Variants in DRC8 observed in about 807,000 individuals in gnomAD.
DRC8 encodes the protein dynein regulatory complex protein 8.
chr1:245,059,953 C>G, the DRC8 span, among the ~76,000 whole-genome samples: 1,168 of 152,290 alleles, frequency 7.7e-3, 12 homozygotes, highest in African/African-American at 0.025. Flanking sequence ...AGTGGATGAG[C>G]AGCCCACGAT....
chr1:245,015,766 C>T, the DRC8 span: 4 of 267,686 alleles, frequency 1.5e-5, no homozygotes, highest in Admixed American at 1.8e-4. Flanking sequence ...TTTCTCACCA[C>T]CTTCACTGCT....
chr1:244,981,470 T>C, the DRC8 span, among the ~76,000 whole-genome samples: 1 of 152,032 alleles, frequency 6.6e-6, no homozygotes, highest in Non-Finnish European at 1.5e-5. Flanking sequence ...GTTTTACGTG[T>C]ATTATGTCCT....
the DRC8 span, among the ~76,000 whole-genome samples, chr1:245,056,300 A>C: frequency 1.3e-5 from 2 of 152,072 alleles, no homozygotes; most frequent in African/African-American, 2.4e-5. Flanking sequence ...CATTTGCTTA[A>C]TACTTTTTTT....
At chr1:245,004,055 A>G in the DRC8 span, among the ~76,000 whole-genome samples, 1 of 151,908 alleles carries the variant, frequency 6.6e-6, no homozygotes, top group Non-Finnish European at 1.5e-5. Context: ...TTTTACTCGT[A>G]GAGTATTTCC....
At chr1:244,996,443 G>A in the DRC8 span, among the ~76,000 whole-genome samples, 9 of 152,254 alleles carry the variant, frequency 5.9e-5, no homozygotes, top group Middle Eastern at 3.4e-3. Context: ...CCATATGGAC[G>A]TTACCAGGAG....
chr1:245,093,556 G>T, the DRC8 span, among the ~76,000 whole-genome samples: 2 of 151,868 alleles, frequency 1.3e-5, no homozygotes, highest in Non-Finnish European at 2.9e-5. Context: ...AAATTAGCCA[G>T]GCGTGGTGGT....
At chr1:244,977,898 C>G in the DRC8 span, among the ~76,000 whole-genome samples, 1 of 152,008 alleles carries the variant, frequency 6.6e-6, no homozygotes, top group Non-Finnish European at 1.5e-5. Flanking sequence ...GGGTTGCAGC[C>G]AAATATATAA....
the DRC8 span, chr1:245,059,250 C>T: frequency 2.5e-5 from 16 of 636,488 alleles, no homozygotes; most frequent in Admixed American, 1.6e-4. Context: ...CCCCAGAAAA[C>T]ATCTTTTATA....
the DRC8 span, among the ~76,000 whole-genome samples, chr1:245,048,644 G>A: frequency 6.6e-6 from 1 of 151,730 alleles, no homozygotes; most frequent in African/African-American, 2.4e-5. Context: ...ATTTGTTTTT[G>A]CCTCCTCTTT....
At chr1:244,996,223 G>T in the DRC8 span, among the ~76,000 whole-genome samples, 1 of 152,062 alleles carries the variant, frequency 6.6e-6, no homozygotes, top group Non-Finnish European at 1.5e-5. Flanking sequence ...GGCTGCTTGA[G>T]TGCTGCTTGA....
chr1:245,029,366 C>T, the DRC8 span, among the ~76,000 whole-genome samples: 1 of 152,210 alleles, frequency 6.6e-6, no homozygotes, highest in African/African-American at 2.4e-5. Context: ...GGCCTGATCT[C>T]AGCTCACTGC....
the DRC8 span, among the ~76,000 whole-genome samples, chr1:245,012,496 T>TTTTTTTTTTTTTTTTTTG: frequency 6.6e-6 from 1 of 151,412 alleles, no homozygotes; most frequent in African/African-American, 2.5e-5. Flanking sequence ...TGAAAGATTT[T>TTTTTTTTTTTTTTTTTTG]AATTAATACA....
the DRC8 span, among the ~76,000 whole-genome samples, chr1:245,121,505 A>C: frequency 6.6e-6 from 1 of 152,210 alleles, no homozygotes; most frequent in East Asian, 1.9e-4. Context: ...TTGCAGAGAC[A>C]GATCACCAGG....
At chr1:245,030,687 C>T in the DRC8 span, 1 of 152,288 alleles carries the variant, frequency 6.6e-6, no homozygotes, top group African/African-American at 2.4e-5. Flanking sequence ...CTGATTTGAT[C>T]CTGCTGTGTG....
At chr1:245,051,862 T>G in the DRC8 span, among the ~76,000 whole-genome samples, 1 of 152,068 alleles carries the variant, frequency 6.6e-6, no homozygotes, top group African/African-American at 2.4e-5. Context: ...TTTGCTTCTT[T>G]GAGGAGGAGC....
the DRC8 span, among the ~76,000 whole-genome samples, chr1:245,082,686 C>CTTTTATTTTA: frequency 4.2e-3 from 635 of 150,002 alleles, 6 homozygotes; most frequent in Non-Finnish European, 7.3e-3. Context: ...ATGTTAGCAG[C>CTTTTATTTTA]TTTTATTTTA....
chr1:245,061,932 C>T, the DRC8 span, among the ~76,000 whole-genome samples: 1 of 152,112 alleles, frequency 6.6e-6, no homozygotes, highest in African/African-American at 2.4e-5. Flanking sequence ...ATGGTGAAGT[C>T]CTGTCTCTAC....
At chr1:245,068,046 G>T in the DRC8 span, among the ~76,000 whole-genome samples, 1 of 152,066 alleles carries the variant, frequency 6.6e-6, no homozygotes, top group Non-Finnish European at 1.5e-5. Context: ...GTAAATTTGG[G>T]GCAATGAGGA....
At chr1:245,069,157 A>G in the DRC8 span, among the ~76,000 whole-genome samples, 1 of 152,190 alleles carries the variant, frequency 6.6e-6, no homozygotes, top group South Asian at 2.1e-4. Context: ...TCCAAGTATA[A>G]TTTTGCCTCC....
Sources: allele counts gnomAD v4.1 joint callset (sites outside exome capture counted in the v4.1 genomes callset), GRCh38; gene constraint gnomAD v4.1.1; transcripts MANE v1.5; gene names NCBI Gene and HGNC (gene_info 2026-07-23, HGNC 2026-07-21).